ULK4: variants seen among roughly 807,000 people sequenced by gnomAD.
ULK4 encodes the protein inactive serine/threonine-protein kinase ULK4.
ULK4 carries 133 observed loss-of-function variants against 160.6 expected under a neutral mutation model. That is an observed-to-expected ratio of 0.83 (90% CI 0.72 to 0.96). The LOEUF (loss-of-function observed/expected upper bound fraction) is 0.96, where lower values mean the gene tolerates loss of function less well. Among genes scored for constraint, ULK4 ranks in the 40% least tolerant of loss-of-function variants. The pLI is 0.00. For synonymous variants in ULK4, 534 were observed against 539.8 expected (o/e 0.99, Z 0.15); for missense variants, 1,580 against 1,499.5 (o/e 1.05, Z -0.89).
chr3:41,560,290 G>A (rs1427249614), intron 32 of ULK4, among the ~76,000 whole-genome samples: 2 of 152,176 alleles, frequency 1.3e-5, no homozygotes, highest in Non-Finnish European at 2.9e-5. Flanking sequence ...TTGAACTCAA[G>A]TAATGTGATG....
chr3:41,768,688 T>A (rs73828254), intron 21 of ULK4, among the ~76,000 whole-genome samples: 18,854 of 152,282 alleles, frequency 0.12, 1,347 homozygotes, highest in Middle Eastern at 0.27. Context: ...ATTACAGATT[T>A]GTGAGCAAAA....
chr3:41,776,110 G>A (rs1032053226), intron 21 of ULK4, among the ~76,000 whole-genome samples: 8 of 150,930 alleles, frequency 5.3e-5, no homozygotes, highest in Non-Finnish European at 1.0e-4. Context: ...ATCTCTGCCA[G>A]CAATTCTGTC....
chr3:41,929,587 C>T (rs1438446227), intron 5 of ULK4, among the ~76,000 whole-genome samples: 2 of 152,088 alleles, frequency 1.3e-5, no homozygotes, highest in African/African-American at 4.8e-5. Context: ...ATTTAGAAAA[C>T]CCCATCGTCT....
chr3:41,840,500 C>T (rs1005159368), intron 17 of ULK4, among the ~76,000 whole-genome samples: 4 of 152,228 alleles, frequency 2.6e-5, no homozygotes, highest in Non-Finnish European at 4.4e-5. Flanking sequence ...CTTGGCCTGC[C>T]GAGTGCCTGC....
chr3:41,589,987 G>A (rs77893529), intron 31 of ULK4, among the ~76,000 whole-genome samples: 11,471 of 151,640 alleles, frequency 0.076, 880 homozygotes, highest in East Asian at 0.46. Context: ...ATGTTTTAAA[G>A]AACCAAATGC....
chr3:41,936,252 G>A (rs1699772503), intron 3 of ULK4, among the ~76,000 whole-genome samples: 1 of 152,170 alleles, frequency 6.6e-6, no homozygotes, highest in African/African-American at 2.4e-5. Flanking sequence ...CCCCAAAACT[G>A]TGCACTTAAA....
At chr3:41,889,044 G>A (rs1394302273) in intron 16 of ULK4, among the ~76,000 whole-genome samples, 1 of 151,930 alleles carries the variant, frequency 6.6e-6, no homozygotes, top group African/African-American at 2.4e-5. Flanking sequence ...AAGAACCAGA[G>A]ATCACCAGGC....
chr3:41,640,359 C>A (rs1331046439), intron 30 of ULK4, among the ~76,000 whole-genome samples: 1 of 152,204 alleles, frequency 6.6e-6, no homozygotes, highest in African/African-American at 2.4e-5. Context: ...TTTCCCATCA[C>A]ACTCCGAGAG....
intron 35 of ULK4, among the ~76,000 whole-genome samples, chr3:41,365,475 C>G (rs904110279): frequency 6.6e-6 from 1 of 152,154 alleles, no homozygotes; most frequent in Non-Finnish European, 1.5e-5. Flanking sequence ...ATTAATATAA[C>G]ATAGGAATAA....
At position 41,682,327 on chromosome 3, in the gene ULK4, GAACA is replaced by G. The variant is rs538509199; in HGVS notation, c.2782-527_2782-524del. ...CCTGTGAGTTCCTAGTTGTATCAGAGAACAATCAAATATGGTTTAAAACTTAACC... is the reference window on the plus strand; with the variant it reads ...CCTGTGAGTTCCTAGTTGTATCAGAGATCAAATATGGTTTAAAACTTAACC... On this transcript the variant is annotated intron_variant, in intron 27 of 36. Transcript: ENST00000301831. Among the ~76,000 whole-genome samples, 130 of 152,210 alleles carry G rather than the reference GAACA, an allele frequency of 8.5e-4. 3 individuals carry two copies. The highest frequency in any genetic ancestry group is 2.9e-3 in the African/African-American group (121 of 41,522).
chr3:41,882,326 A>G (rs1697552989), intron 17 of ULK4: 2 of 701,510 alleles, frequency 2.9e-6, no homozygotes, highest in Non-Finnish European at 5.2e-6. Context: ...AGGTGGTGAT[A>G]CATGCTGTGA....
intron 22 of ULK4, among the ~76,000 whole-genome samples, chr3:41,739,847 C>T (rs1258571708): frequency 1.3e-5 from 2 of 151,858 alleles, no homozygotes; most frequent in Non-Finnish European, 2.9e-5. Context: ...TTCCTCATAA[C>T]ATATTAATCT....
chr3:41,644,944 T>G (rs1303624026), intron 30 of ULK4, among the ~76,000 whole-genome samples: 1 of 152,140 alleles, frequency 6.6e-6, no homozygotes. Flanking sequence ...GTCGAGGAAT[T>G]TATCCATTTC....
At chr3:41,389,816 T>A (rs2081912419) in intron 35 of ULK4, among the ~76,000 whole-genome samples, 1 of 152,202 alleles carries the variant, frequency 6.6e-6, no homozygotes, top group Admixed American at 6.5e-5. Flanking sequence ...TCATCAGGGA[T>A]ACTGGTCTAA....
At chr3:41,687,178 T>C (rs575715259) in intron 27 of ULK4, among the ~76,000 whole-genome samples, 1 of 152,046 alleles carries the variant, frequency 6.6e-6, no homozygotes, top group African/African-American at 2.4e-5. Context: ...ATCAAGACCA[T>C]CCTGGCCAAC....
intron 14 of ULK4, 87 bp from the exon 15 acceptor site, chr3:41,897,090 G>A (rs537044071): frequency 6.6e-6 from 8 of 1,214,312 alleles, no homozygotes; most frequent in South Asian, 4.6e-5. Flanking sequence ...ACAGAATTAC[G>A]ACAGCTAAGA....
chr3:41,306,168 A>ATCCAGCCGCCCCG (rs1559515342), intron 35 of ULK4, among the ~76,000 whole-genome samples: 10 of 70,054 alleles, frequency 1.4e-4, no homozygotes, highest in Non-Finnish European at 2.3e-4. Flanking sequence ...CAGCCGCCCC[A>ATCCAGCCGCCCCG]TCCGGGAGGG....
intron 32 of ULK4, among the ~76,000 whole-genome samples, chr3:41,489,039 C>T (rs573977034): frequency 3.5e-4 from 54 of 152,172 alleles, no homozygotes; most frequent in African/African-American, 1.3e-3. Context: ...TCCTCCAAAC[C>T]CCCAACCCCT....
chr3:41,919,725 A>G lies in ULK4; in HGVS notation c.635T>C (p.Met212Thr). The G allele has an allele frequency of 1.2e-6, 2 of 1,613,920 alleles. No individual in the cohort carries two copies. The highest frequency in any genetic ancestry group is 1.7e-6 in the Non-Finnish European group (2 of 1,179,888). The change falls in exon 6 of 37, where the codon ATG becomes ACG. Residue 212 changes from methionine to threonine, a missense_variant. Coordinates refer to ENST00000301831, the MANE Select transcript of ULK4 (RefSeq NM_017886.4). ...LWSLGCLLYE[M>T]FSGKPPFFSE... is the part of the protein sequence containing the mutation. ...ATTCAGGAAACAATTACCTGAAAAC[A>G]TTTCATAAAGCAGACAGCCCAAAGA... is the stretch of plus-strand genomic sequence containing the variant.
Sources: gnomAD v4.1 joint callset for allele counts (sites outside exome capture counted in the v4.1 genomes callset) on GRCh38, gnomAD v4.1.1 for gene constraint, MANE v1.5 for transcripts, NCBI Gene and HGNC (gene_info 2026-07-23, HGNC 2026-07-21) for gene names.